The following MAP1B variants were observed in gnomAD, a reference collection of about 807,000 sequenced individuals.
The protein encoded by MAP1B is microtubule-associated protein 1B.
Under a neutral mutation model 176.1 loss-of-function variants are expected in MAP1B, and 12 were observed. The observed-to-expected ratio is 0.07, with a 90% CI of 0.04 to 0.11. MAP1B has a LOEUF of 0.11. MAP1B is among the 10% of genes least tolerant of loss of function. The pLI, the probability that MAP1B is intolerant of heterozygous loss-of-function variation, is 1.00. For synonymous variants in MAP1B, 1,044 were observed against 1,135.0 expected (o/e 0.92, Z 1.61); for missense variants, 2,523 against 2,990.5 (o/e 0.84, Z 3.65).
intron 2 of MAP1B, among the ~76,000 whole-genome samples, chr5:72,130,984 A>G (rs1449056798): frequency 6.6e-6 from 1 of 152,234 alleles, no homozygotes; most frequent in African/African-American, 2.4e-5. Flanking sequence ...TTGGCTGAAT[A>G]TACTCATTTC....
chr5:72,157,519 C>T (rs577013677), intron 2 of MAP1B, among the ~76,000 whole-genome samples: 16 of 152,196 alleles, frequency 1.1e-4, no homozygotes, highest in African/African-American at 2.2e-4. Context: ...ATGGGATTCC[C>T]GGGGACAGGG....
chr5:72,143,448 A>ATT (rs1745985414), intron 2 of MAP1B, among the ~76,000 whole-genome samples: 1 of 152,198 alleles, frequency 6.6e-6, no homozygotes, highest in Non-Finnish European at 1.5e-5. Context: ...TTATATTTGC[A>ATT]GTGTCTTCTT....
Position 72,197,587 on chromosome 5 carries a change from A to T in MAP1B, c.4232A>T (p.Glu1411Val), listed in dbSNP as rs1747214289. 6.2e-7 allele frequency: 1 copy of T among 1,614,194 alleles called. No individual in the cohort carries two copies. Residue 1411 changes from glutamate (E) to valine (V), a missense_variant, in exon 5 of 7, where the codon GAA becomes GTA. This residue lies in a region of MAP1B where 1,925 missense variants were observed against 2,126.0 expected (regional missense o/e 0.91). Transcript: ENST00000296755. The part of the protein sequence containing the change: ...PPLIGSESAY[E>V]SFLSADDKAS... ...CTCATTGGATCCGAGTCTGCTTATG[A>T]AAGTTTTCTAAGTGCTGATGACAAG...
chr5:72,174,920 C>CTTCCCCCT (rs1561306529), intron 2 of MAP1B, among the ~76,000 whole-genome samples: 1 of 124,838 alleles, frequency 8.0e-6, no homozygotes. Flanking sequence ...TCCTTCCCTC[C>CTTCCCCCT]TTCCCCCTTT....
chr5:72,133,733 T>C lies in MAP1B; in HGVS notation c.286+17934T>C, dbSNP rs148103437. 3.8e-3 allele frequency among the ~76,000 whole-genome samples: 578 copies of C among 152,348 alleles called. 5 individuals carry two copies. Among genetic ancestry groups the C allele is most frequent in the African/African-American group, 0.013 (546 of 41,582 alleles). On this transcript the variant is annotated intron_variant, in intron 2 of 6. Coordinates refer to ENST00000296755, the MANE Select transcript of MAP1B (RefSeq NM_005909.5). The stretch of plus-strand genomic sequence containing the variant: ...CTTAATAATGATTAATGCTTTTAAC[T>C]TGCCATTCAAGGAAATGAATAAGAA...
intron 2 of MAP1B, among the ~76,000 whole-genome samples, chr5:72,142,484 G>A (rs1053342360): frequency 3.3e-5 from 5 of 152,126 alleles, no homozygotes; most frequent in African/African-American, 4.8e-5. Context: ...GTACCTAGGC[G>A]TTTCTAAGCC....
chr5:72,207,361 T>G lies in MAP1B; in HGVS notation c.*2122T>G, dbSNP rs2111907205. The G allele has an allele frequency of 6.6e-6, 1 of 152,326 alleles. No homozygotes were observed. Among genetic ancestry groups the G allele is most frequent in the South Asian group, 2.1e-4 (1 of 4,832 alleles). 9.4% of individuals were successfully genotyped at this position (152,326 alleles called of 1,614,324 possible). A position where few individuals can be genotyped will look rare whatever the true frequency, so the allele number is the denominator to read the frequency against. On this transcript the variant is annotated 3_prime_UTR_variant, in exon 7 of 7. Coordinates refer to ENST00000296755, the MANE Select transcript of MAP1B (RefSeq NM_005909.5). The stretch of plus-strand genomic sequence containing the variant: ...AACATTTTAGTTGATTTTTGTCTGA[T>G]AAGTCTATGTTTTGCACTGCTAACT...
chr5:72,120,028 T>C (rs1463841345), intron 2 of MAP1B, among the ~76,000 whole-genome samples: 1 of 152,196 alleles, frequency 6.6e-6, no homozygotes, highest in African/African-American at 2.4e-5. Context: ...ACTTTAGGAC[T>C]GTCTATGTAT....
chr5:72,112,607 A>T (rs1190347970), intron 1 of MAP1B, among the ~76,000 whole-genome samples: 1 of 152,182 alleles, frequency 6.6e-6, no homozygotes, highest in Non-Finnish European at 1.5e-5. Context: ...AGAACTGAGA[A>T]GGAAAGATCT....
intron 4 of MAP1B, among the ~76,000 whole-genome samples, chr5:72,187,046 G>A (rs954546785): frequency 1.3e-5 from 2 of 152,230 alleles, no homozygotes; most frequent in Non-Finnish European, 2.9e-5. Flanking sequence ...AACTTGAAAT[G>A]TCAGAGCCCA....
chr5:72,160,710 A>G (rs1038415435), intron 2 of MAP1B, among the ~76,000 whole-genome samples: 12 of 152,184 alleles, frequency 7.9e-5, no homozygotes, highest in African/African-American at 2.9e-4. Context: ...GAAATCTCCT[A>G]ATCTACAGAA....
At chr5:72,165,393 C>T (rs1003414494) in intron 2 of MAP1B, among the ~76,000 whole-genome samples, 56 of 152,230 alleles carry the variant, frequency 3.7e-4, no homozygotes, top group African/African-American at 1.3e-3. Context: ...ATAGAATATA[C>T]GTCAAGTCCA....
At chr5:72,132,345 C>T (rs181723032) in intron 2 of MAP1B, among the ~76,000 whole-genome samples, 314 of 152,084 alleles carry the variant, frequency 2.1e-3, no homozygotes, top group African/African-American at 7.2e-3. Flanking sequence ...GACTTTTTTC[C>T]GCTAGCAAAG....
In MAP1B at chr5:72,186,145, G is replaced by C. The variant is rs1746892239; in HGVS notation, c.370-469G>C. Among the ~76,000 whole-genome samples, 1 of 152,110 alleles carries C rather than the reference G, an allele frequency of 6.6e-6. No homozygotes were observed. Among genetic ancestry groups the C allele is most frequent in the Non-Finnish European group, 1.5e-5 (1 of 68,028 alleles). The stretch of plus-strand genomic sequence containing the variant: ...GGGGTTGGTTTGGGACCCTAGTTTG[G>C]AACACCGTGCTTACTGAGGAGGCCA... On this transcript the variant is annotated intron_variant, in intron 3 of 6. Coordinates refer to ENST00000296755, the MANE Select transcript of MAP1B (RefSeq NM_005909.5). The surrounding 1 kb of genome is among the most constrained non-coding windows in gnomAD (Gnocchi z 4.3).
In MAP1B at chr5:72,197,381, C is replaced by T. The variant is rs117847633; in HGVS notation, c.4026C>T (p.Asp1342=). The change falls in exon 5 of 7, where the codon GAC becomes GAT. Residue 1342 remains aspartate, a synonymous_variant. Transcript: ENST00000296755. The part of the protein sequence containing the change: ...GHTPYYQSPT[D]EKSSHLPTEV... ...CACCTTACTATCAATCTCCTACTGACGAGAAATCCAGTCATCTCCCTACAG... is the reference window on the plus strand; with the variant it reads ...CACCTTACTATCAATCTCCTACTGATGAGAAATCCAGTCATCTCCCTACAG... 1.5e-4 allele frequency: 250 copies of T among 1,614,164 alleles called. 1 individual carries two copies. The highest frequency in any genetic ancestry group is 1.1e-3 in the African/African-American group (81 of 75,046).
Position 72,204,498 on chromosome 5 carries a change from T to C in MAP1B, c.7252-586T>C, listed in dbSNP as rs1264584827. On this transcript the variant is annotated intron_variant, in intron 6 of 6. Coordinates refer to ENST00000296755, the MANE Select transcript of MAP1B (RefSeq NM_005909.5). This position sits in a 1 kb window ranked among gnomAD's most constrained non-coding sequence, Gnocchi z 4.4. The stretch of plus-strand genomic sequence containing the variant: ...AGTAAATTGTGCTTGTATCATATTA[T>C]ATAGAATTACTTGTTATTTAATCAT... 6.6e-6 allele frequency among the ~76,000 whole-genome samples: 1 copy of C among 152,258 alleles called. No individual in the cohort carries two copies. The highest frequency in any genetic ancestry group is 1.5e-5 in the Non-Finnish European group (1 of 68,042).
At position 72,196,660 on chromosome 5, in the gene MAP1B, A is replaced by G; in HGVS notation, c.3305A>G (p.Asp1102Gly). Residue 1102 changes from aspartate to glycine, a missense_variant, in exon 5 of 7, where the codon GAT (aspartate) becomes GGT (glycine). Asp to Gly is a moderately conservative substitution (Grantham distance 94, BLOSUM62 -1). Around this residue, in one of 4 missense-constraint regions of MAP1B, gnomAD observed 1,925 missense variants for 2,126.0 expected, o/e 0.91. Coordinates refer to ENST00000296755, the MANE Select transcript of MAP1B (RefSeq NM_005909.5). The surrounding 1 kb of genome is among the most constrained non-coding windows in gnomAD (Gnocchi z 5.3). ...GGSESEATASDEENREDQPEE... is the reference protein window; with the variant it reads ...GGSESEATASGEENREDQPEE... Reference sequence around the variant, plus strand: ...TCAGAGAGCGAGGCCACCGCTTCTGATGAGGAGAATCGAGAAGACCAGCCT... The same window carrying G: ...TCAGAGAGCGAGGCCACCGCTTCTGGTGAGGAGAATCGAGAAGACCAGCCT... The G allele has an allele frequency of 6.2e-7, 1 of 1,614,104 alleles. No individual in the cohort carries two copies.
Position 72,198,759 on chromosome 5 carries a change from G to T in MAP1B, c.5404G>T (p.Asp1802Tyr), listed in dbSNP as rs752042780. Reference sequence around the variant, plus strand: ...TCCTTTATATTCACCTACTTTTTCAGATTCTACCTCTGCAGTCAAAGAGAA... The same window carrying T: ...TCCTTTATATTCACCTACTTTTTCATATTCTACCTCTGCAGTCAAAGAGAA... ...SSPLYSPTFS[D>Y]STSAVKEKTA... is the part of the protein sequence containing the mutation. Residue 1802 changes from aspartate (D) to tyrosine (Y), a missense_variant, in exon 5 of 7, where the codon GAT (aspartate) becomes TAT (tyrosine). Transcript: ENST00000296755. 1.5e-5 allele frequency: 24 copies of T among 1,614,014 alleles called. No individual in the cohort carries two copies. The highest frequency in any genetic ancestry group is 2.2e-5 in the South Asian group (2 of 91,086).
rs73121658 is a variant in MAP1B at position 72,116,118 on chromosome 5, A to G, written c.286+319A>G. The G allele has an allele frequency of 4.8e-3, 1,558 of 327,464 alleles. 21 individuals are homozygous for G. Among genetic ancestry groups the G allele is most frequent in the African/African-American group, 0.031 (1,440 of 46,710 alleles). The allele number at this position is 327,464 out of a possible 1,614,324, so 20.3% of individuals were successfully genotyped here. A position where few individuals can be genotyped will look rare whatever the true frequency, so the allele number is the denominator to read the frequency against. ...AGGGCTTGAGAAAGAGAGAGAGAGA[A>G]AGAGAGAGAGATAGTATAGTGTGTG... On this transcript the variant is annotated intron_variant, in intron 2 of 6. Coordinates refer to ENST00000296755, the MANE Select transcript of MAP1B (RefSeq NM_005909.5).
Sources: gnomAD v4.1 joint callset for allele counts (sites outside exome capture counted in the v4.1 genomes callset) on GRCh38, gnomAD v4.1.1 for gene constraint, gnomAD v4.1.1 regional missense constraint, Gnocchi (gnomAD v3.1) non-coding constraint, MANE v1.5 for transcripts, NCBI Gene and HGNC (gene_info 2026-07-23, HGNC 2026-07-21) for gene names.